PIAS2: variants seen among roughly 807,000 people sequenced by gnomAD.
PIAS2 encodes protein inhibitor of activated STAT 2, also known as E3 SUMO-protein ligase PIAS2.
Under a neutral mutation model 69.7 loss-of-function variants are expected in PIAS2, and 19 were observed. That is an observed-to-expected ratio of 0.27 (90% CI 0.19 to 0.40). PIAS2 has a LOEUF of 0.40. Ranked by LOEUF, PIAS2 falls within the 10% of genes least tolerant of loss-of-function variation. The pLI is 1.00. For synonymous variants in PIAS2, 261 were observed against 263.2 expected (o/e 0.99, Z 0.08); for missense variants, 624 against 757.0 (o/e 0.82, Z 2.06).
chr18:46,866,986 T>C (rs1350335865), intron 2 of PIAS2, among the ~76,000 whole-genome samples: 1 of 152,180 alleles, frequency 6.6e-6, no homozygotes, highest in Admixed American at 6.5e-5. Flanking sequence ...CCAAAACCCA[T>C]GAACCTTAAC....
Position 46,809,621 on chromosome 18 carries a change from GAT to G in PIAS2, c.*2810_*2811del. On this transcript the variant is annotated 3_prime_UTR_variant, in exon 14 of 14. Transcript: ENST00000585916. ...AAATACAAAATTAGCTGGGCGTGGTGATACATGCCTGTAATCCCAGCTACTCG... is the reference window on the plus strand; with the variant it reads ...AAATACAAAATTAGCTGGGCGTGGTGACATGCCTGTAATCCCAGCTACTCG... 6.6e-6 allele frequency: 1 copy of G among 152,436 alleles called. No individual in the cohort carries two copies. 9.4% of individuals were successfully genotyped at this position (152,436 alleles called of 1,614,324 possible).
upstream of PIAS2, chr18:46,917,624 G>C (rs1418698600): frequency 1.1e-6 from 1 of 896,902 alleles, no homozygotes; most frequent in Non-Finnish European, 1.3e-6. Flanking sequence ...GACAGCGCCC[G>C]CCCGCGCCTG....
At chr18:46,884,658 G>A (rs1158244639) in intron 2 of PIAS2, among the ~76,000 whole-genome samples, 1 of 152,062 alleles carries the variant, frequency 6.6e-6, no homozygotes, top group Non-Finnish European at 1.5e-5. Flanking sequence ...GCTCACGCCT[G>A]TAATCCCAGC....
intron 1 of PIAS2, among the ~76,000 whole-genome samples, chr18:46,894,405 A>G (rs2146044945): frequency 6.6e-6 from 1 of 152,242 alleles, no homozygotes; most frequent in African/African-American, 2.4e-5. Context: ...AATGGATTTC[A>G]GTTGTTTTTC....
At chr18:46,910,579 A>C (rs1216269123) in intron 1 of PIAS2, among the ~76,000 whole-genome samples, 1 of 152,222 alleles carries the variant, frequency 6.6e-6, no homozygotes, top group African/African-American at 2.4e-5. Context: ...TTAAAAAGAA[A>C]GAAAAATGAA....
chr18:46,818,533 T>C, intron 12 of PIAS2: 1 of 1,165,014 alleles, frequency 8.6e-7, no homozygotes, highest in Non-Finnish European at 1.1e-6. Flanking sequence ...CCATTCTTGG[T>C]GTTCTATTTA....
Position 46,855,338 on chromosome 18 carries a change from A to G in PIAS2, c.726+7T>C, listed in dbSNP as rs768678155. On this transcript the variant is annotated splice_region_variant and intron_variant, in intron 5 of 13. Coordinates refer to ENST00000585916, the MANE Select transcript of PIAS2 (RefSeq NM_004671.5). Reference sequence around the variant, plus strand: ...TATGCAAATCTGGTGAATAAAAAGCAACTTACAGGCAAAGGAAATAGCTTC... The same window carrying G: ...TATGCAAATCTGGTGAATAAAAAGCGACTTACAGGCAAAGGAAATAGCTTC... The G allele has an allele frequency of 6.3e-7, 1 of 1,581,488 alleles. No homozygotes were observed. Among genetic ancestry groups the G allele is most frequent in the South Asian group, 1.1e-5 (1 of 88,232 alleles).
At chr18:46,917,517 G>C (rs1263454087), upstream of PIAS2, 5 of 1,168,360 alleles carry the variant, frequency 4.3e-6, no homozygotes, top group East Asian at 1.2e-4. Context: ...TGAACGGCGC[G>C]GGAGCTCCGC....
intron 1 of PIAS2, among the ~76,000 whole-genome samples, chr18:46,899,591 C>T (rs914570004): frequency 6.6e-6 from 1 of 152,178 alleles, no homozygotes; most frequent in Non-Finnish European, 1.5e-5. Context: ...CCTCAGCCTC[C>T]AGCATAACTG....
At chr18:46,879,732 G>A (rs1019116164) in intron 2 of PIAS2, among the ~76,000 whole-genome samples, 13 of 151,492 alleles carry the variant, frequency 8.6e-5, no homozygotes, top group Middle Eastern at 3.2e-3. Flanking sequence ...CCTTAAAAAG[G>A]AAAAAAAATC....
chr18:46,858,142 C>A (rs1014958114), intron 3 of PIAS2, among the ~76,000 whole-genome samples: 2 of 151,162 alleles, frequency 1.3e-5, no homozygotes, highest in Non-Finnish European at 2.9e-5. Context: ...GATGTGAACA[C>A]CATAGTTAAC....
intron 11 of PIAS2, among the ~76,000 whole-genome samples, chr18:46,825,495 C>T (rs949436500): frequency 1.3e-5 from 2 of 152,200 alleles, no homozygotes; most frequent in African/African-American, 4.8e-5. Context: ...ATAATCTCTT[C>T]TCCTGGTTTA....
chr18:46,845,837 T>C (rs951065287), intron 6 of PIAS2, among the ~76,000 whole-genome samples: 2 of 152,184 alleles, frequency 1.3e-5, no homozygotes, highest in Non-Finnish European at 2.9e-5. Context: ...CCCCATTACA[T>C]GGCAAAAGTT....
chr18:46,906,893 C>T (rs1188173111), intron 1 of PIAS2, among the ~76,000 whole-genome samples: 2 of 152,044 alleles, frequency 1.3e-5, no homozygotes, highest in East Asian at 3.8e-4. Flanking sequence ...TTCTGTCTCC[C>T]TCAATGACTG....
At chr18:46,864,466 C>G (rs2049128252) in intron 2 of PIAS2, among the ~76,000 whole-genome samples, 1 of 152,134 alleles carries the variant, frequency 6.6e-6, no homozygotes, top group African/African-American at 2.4e-5. Context: ...CGTAACCATT[C>G]TTTATTCTAA....
upstream of PIAS2, among the ~76,000 whole-genome samples, chr18:46,919,557 G>GC (rs1454923799): frequency 6.6e-6 from 1 of 152,080 alleles, no homozygotes; most frequent in Non-Finnish European, 1.5e-5. Flanking sequence ...GCTGAGACAG[G>GC]AAAATTGCTT....
chr18:46,887,175 G>A (rs925511925), intron 2 of PIAS2, among the ~76,000 whole-genome samples: 3 of 150,522 alleles, frequency 2.0e-5, no homozygotes, highest in Non-Finnish European at 2.9e-5. Flanking sequence ...CAAAGTGAAC[G>A]TAATAAAGAG....
intron 2 of PIAS2, among the ~76,000 whole-genome samples, chr18:46,873,487 C>T (rs562979394): frequency 1.0e-3 from 155 of 152,234 alleles, no homozygotes; most frequent in Middle Eastern, 3.4e-3. Flanking sequence ...GAAGCTCTTG[C>T]AGAAGTAGAG....
intron 8 of PIAS2, among the ~76,000 whole-genome samples, chr18:46,837,399 T>C (rs1362657418): frequency 2.6e-5 from 4 of 152,206 alleles, no homozygotes; most frequent in Admixed American, 1.3e-4. Flanking sequence ...CACTTGTGTT[T>C]CTAAGAACTT....
Sources: gnomAD v4.1 joint callset for allele counts (sites outside exome capture counted in the v4.1 genomes callset) on GRCh38, gnomAD v4.1.1 for gene constraint, MANE v1.5 for transcripts, NCBI Gene and HGNC (gene_info 2026-07-23, HGNC 2026-07-21) for gene names.